Variants in SUPT3H observed in about 807,000 individuals in gnomAD.
SUPT3H encodes the protein transcription initiation protein SPT3 homolog.
In SUPT3H, 44 loss-of-function variants were observed where a neutral mutation model predicts 44.3. The observed-to-expected ratio is 0.99, with a 90% confidence interval of 0.78 to 1.28. SUPT3H has a LOEUF of 1.28. SUPT3H is among the 50% of genes most tolerant of loss of function. SUPT3H has a pLI of 0.00. For synonymous variants in SUPT3H, 124 were observed against 125.6 expected, an observed-to-expected ratio of 0.99 and a Z score of 0.09; for missense variants, 380 against 387.1, an observed-to-expected ratio of 0.98 and a Z score of 0.15.
intron 10 of SUPT3H, among the ~76,000 whole-genome samples, chr6:44,882,980 C>G (rs959000453): frequency 6.6e-6 from 1 of 152,128 alleles, no homozygotes; most frequent in African/African-American, 2.4e-5. Context: ...CAGTGCAAGA[C>G]AAGGATGGCC....
At chr6:45,057,995 A>C (rs1583294553) in intron 3 of SUPT3H, among the ~76,000 whole-genome samples, 1 of 152,214 alleles carries the variant, frequency 6.6e-6, no homozygotes, top group East Asian at 1.9e-4. Flanking sequence ...CACATGAAAC[A>C]ATGCCAATTA....
At chr6:45,125,210 G>A (rs1802259606) in intron 2 of SUPT3H, among the ~76,000 whole-genome samples, 2 of 152,194 alleles carry the variant, frequency 1.3e-5, no homozygotes, top group East Asian at 1.9e-4. Context: ...ACTTATCAAC[G>A]TATTAGGCGT....
At chr6:45,323,478 CAAGCCATTAACATG>C (rs1785851156) in intron 2 of SUPT3H, among the ~76,000 whole-genome samples, 1 of 151,898 alleles carries the variant, frequency 6.6e-6, no homozygotes, top group African/African-American at 2.4e-5. Flanking sequence ...ACTGATAGAG[CAAGCCATTAACATG>C]AATAAAGAGC....
At chr6:44,866,092 A>G (rs1775453814) in intron 10 of SUPT3H, among the ~76,000 whole-genome samples, 1 of 147,036 alleles carries the variant, frequency 6.8e-6, no homozygotes, top group Non-Finnish European at 1.5e-5. Flanking sequence ...AATAATTTAG[A>G]AAGCCTACAT....
chr6:45,098,936 G>A, intron 3 of SUPT3H: 5 of 496,068 alleles, frequency 1.0e-5, no homozygotes, highest in Admixed American at 4.3e-5. Flanking sequence ...GCATCCAGAG[G>A]AAAAGAAAAA....
chr6:44,968,617 A>G (rs1366116620), intron 6 of SUPT3H, among the ~76,000 whole-genome samples: 1 of 152,116 alleles, frequency 6.6e-6, no homozygotes, highest in Non-Finnish European at 1.5e-5. Context: ...AAAAGTCATC[A>G]TTTTGGTCCT....
intron 3 of SUPT3H, among the ~76,000 whole-genome samples, chr6:45,070,455 A>T (rs1794192448): frequency 6.6e-6 from 1 of 152,076 alleles, no homozygotes; most frequent in Non-Finnish European, 1.5e-5. Flanking sequence ...GTAAAATGAA[A>T]TGCTTTGGCC....
At chr6:45,227,759 C>CA (rs1287326807) in intron 2 of SUPT3H, among the ~76,000 whole-genome samples, 2 of 152,166 alleles carry the variant, frequency 1.3e-5, no homozygotes, top group Non-Finnish European at 2.9e-5. Context: ...GTCCAAAACA[C>CA]AGGTACCAAT....
chr6:45,304,651 GA>G (rs1782706919), intron 2 of SUPT3H, among the ~76,000 whole-genome samples: 1 of 152,098 alleles, frequency 6.6e-6, no homozygotes, highest in African/African-American at 2.4e-5. Flanking sequence ...TACAGGGTGA[GA>G]AAATAAAAGA....
chr6:45,225,625 G>C (rs1309987984), intron 2 of SUPT3H, among the ~76,000 whole-genome samples: 1 of 152,126 alleles, frequency 6.6e-6, no homozygotes, highest in Non-Finnish European at 1.5e-5. Flanking sequence ...TAGATGGTAT[G>C]CTAGTATGTT....
At chr6:44,886,580 C>T in intron 10 of SUPT3H, among the ~76,000 whole-genome samples, 1 of 152,090 alleles carries the variant, frequency 6.6e-6, no homozygotes, top group Admixed American at 6.6e-5. Context: ...GAGATTTTGT[C>T]ACCACCAGGC....
chr6:45,215,758 C>G (rs1684906811), intron 2 of SUPT3H, among the ~76,000 whole-genome samples: 1 of 152,060 alleles, frequency 6.6e-6, no homozygotes, highest in Admixed American at 6.6e-5. Flanking sequence ...GGAAAGGGCA[C>G]AGAAAACATG....
At chr6:45,110,774 G>A (rs1799938174) in intron 2 of SUPT3H, among the ~76,000 whole-genome samples, 1 of 152,094 alleles carries the variant, frequency 6.6e-6, no homozygotes, top group Non-Finnish European at 1.5e-5. Context: ...GTAAATGCAT[G>A]TATTTGATGA....
intron 2 of SUPT3H, among the ~76,000 whole-genome samples, chr6:45,158,298 A>ATATATATATATATATATATATATTTT: frequency 3.0e-5 from 3 of 99,694 alleles, no homozygotes; most frequent in African/African-American, 1.5e-4. Flanking sequence ...ATATATATAT[A>ATATATATATATATATATATATATTTT]TTTTTTTTTT....
chr6:45,303,141 TA>T (rs1250330389), intron 2 of SUPT3H, among the ~76,000 whole-genome samples: 26 of 152,072 alleles, frequency 1.7e-4, no homozygotes, highest in Non-Finnish European at 3.2e-4. Context: ...AGGACTTAAA[TA>T]TAAAACCTGA....
intron 6 of SUPT3H, among the ~76,000 whole-genome samples, chr6:44,998,217 T>G (rs1343900917): frequency 6.6e-6 from 1 of 151,874 alleles, no homozygotes; most frequent in African/African-American, 2.4e-5. Flanking sequence ...TTTCATGAAT[T>G]AAAGAGCTCT....
intron 3 of SUPT3H, among the ~76,000 whole-genome samples, chr6:45,068,245 T>C (rs1421614832): frequency 7.0e-6 from 1 of 142,632 alleles, no homozygotes; most frequent in African/African-American, 2.6e-5. Flanking sequence ...TTCTCACTCA[T>C]AGGTGGGAAT....
intron 2 of SUPT3H, among the ~76,000 whole-genome samples, chr6:45,119,669 A>C (rs1475464805): frequency 6.6e-6 from 1 of 152,214 alleles, no homozygotes; most frequent in Non-Finnish European, 1.5e-5. Context: ...GACCAAATAA[A>C]GAGTGGAATT....
At chr6:44,941,846 A>C (rs943386696) in intron 9 of SUPT3H, among the ~76,000 whole-genome samples, 6 of 152,184 alleles carry the variant, frequency 3.9e-5, no homozygotes, top group Non-Finnish European at 5.9e-5. Flanking sequence ...ATCATAGCTG[A>C]GGTTTCCAGT....
Sources: allele counts gnomAD v4.1 joint callset (sites outside exome capture counted in the v4.1 genomes callset), GRCh38; gene constraint gnomAD v4.1.1; transcripts MANE v1.5; gene names NCBI Gene and HGNC (gene_info 2026-07-23, HGNC 2026-07-21).